STXBP5L: variants seen among roughly 807,000 people sequenced by gnomAD.
STXBP5L encodes syntaxin-binding protein 5-like.
Under a neutral mutation model 144.5 loss-of-function variants are expected in STXBP5L, and 65 were observed. The ratio of observed to expected loss-of-function variants is 0.45; its 90% confidence interval spans 0.37 to 0.55. The LOEUF is 0.55. Among genes scored for constraint, STXBP5L ranks in the 20% least tolerant of loss-of-function variants. STXBP5L has a pLI of 0.00. For missense variants in STXBP5L, 1,298 were observed against 1,405.5 expected (o/e 0.92, Z 1.22); for synonymous variants, 505 against 469.6 (o/e 1.08, Z -0.97).
intron 26 of STXBP5L, 62 bp from the exon 27 acceptor site, chr3:121,418,993 CT>C: frequency 6.5e-7 from 1 of 1,538,012 alleles, no homozygotes; most frequent in Non-Finnish European, 8.8e-7. Flanking sequence ...TCAAAATGGC[CT>C]TGCTTTGAAT....
rs1428964669 is a variant in STXBP5L, at chr3:121,424,688, G to C, written c.*5591G>C. On this transcript the variant is annotated 3_prime_UTR_variant, in exon 27 of 27. Coordinates refer to ENST00000471454, the MANE Select transcript of STXBP5L (RefSeq NM_001308330.2). ...AATTACTATTTTTCTGTTGCACTCAGCAATTGTGACTATACTTAACAAAAT... is the reference window on the plus strand; with the variant it reads ...AATTACTATTTTTCTGTTGCACTCACCAATTGTGACTATACTTAACAAAAT... The C allele has an allele frequency of 6.6e-6, 1 of 152,106 alleles. No homozygotes were observed. The highest frequency in any genetic ancestry group is 1.5e-5 in the Non-Finnish European group (1 of 68,022). The allele number at this position is 152,106 out of a possible 1,614,324, so 9.4% of individuals were successfully genotyped here.
At chr3:120,980,305 C>T (rs926004299) in intron 3 of STXBP5L, among the ~76,000 whole-genome samples, 1 of 152,108 alleles carries the variant, frequency 6.6e-6, no homozygotes, top group African/African-American at 2.4e-5. Flanking sequence ...CTGTTTAATG[C>T]TGTCAGTGGG....
chr3:121,132,771 T>C (rs2045053708), intron 7 of STXBP5L, among the ~76,000 whole-genome samples: 1 of 151,876 alleles, frequency 6.6e-6, no homozygotes, highest in South Asian at 2.1e-4. Flanking sequence ...AACTAGAATT[T>C]TCAGGAAAGA....
At chr3:121,011,122 T>A (rs1944742789) in intron 3 of STXBP5L, among the ~76,000 whole-genome samples, 2 of 150,390 alleles carry the variant, frequency 1.3e-5, no homozygotes, top group Non-Finnish European at 1.5e-5. Context: ...TTCGCCGAGG[T>A]AGTTACAGCA....
chr3:120,989,432 C>T (rs1329271994), intron 3 of STXBP5L, among the ~76,000 whole-genome samples: 1 of 152,068 alleles, frequency 6.6e-6, no homozygotes, highest in Non-Finnish European at 1.5e-5. Context: ...TATATGTCTT[C>T]CTTTGCAAAA....
intron 3 of STXBP5L, among the ~76,000 whole-genome samples, chr3:120,996,948 C>G (rs114404041): frequency 6.6e-6 from 1 of 152,118 alleles, no homozygotes; most frequent in Non-Finnish European, 1.5e-5. Context: ...TCCTTATCCT[C>G]CTTTCACTGA....
At chr3:120,918,652 T>A (rs1396337442) in intron 2 of STXBP5L, among the ~76,000 whole-genome samples, 1 of 152,214 alleles carries the variant, frequency 6.6e-6, no homozygotes, top group African/African-American at 2.4e-5. Context: ...AAATTAACAT[T>A]TCTTTATATA....
chr3:120,945,334 G>A (rs373623612), intron 2 of STXBP5L, among the ~76,000 whole-genome samples: 1 of 151,588 alleles, frequency 6.6e-6, no homozygotes, highest in Non-Finnish European at 1.5e-5. Flanking sequence ...TAAAATAAAT[G>A]TATTTCATAA....
intron 20 of STXBP5L, 26 bp from the exon 21 acceptor site, chr3:121,378,690 A>G (rs893148750): frequency 1.2e-6 from 2 of 1,608,914 alleles, no homozygotes; most frequent in East Asian, 4.5e-5. Flanking sequence ...CATTATATGT[A>G]TGCTGCCTTC....
intron 3 of STXBP5L, among the ~76,000 whole-genome samples, chr3:120,978,444 G>T (rs1244327934): frequency 6.6e-6 from 1 of 152,080 alleles, no homozygotes; most frequent in Admixed American, 6.6e-5. Flanking sequence ...TTATACATTT[G>T]TCTAAATTTT....
intron 5 of STXBP5L, among the ~76,000 whole-genome samples, chr3:121,068,939 G>A (rs962357279): frequency 6.6e-6 from 1 of 152,026 alleles, no homozygotes; most frequent in Non-Finnish European, 1.5e-5. Context: ...GTAGGAAGTT[G>A]CAAAACTAGT....
chr3:121,078,568 AC>A (rs1187463133), intron 5 of STXBP5L, among the ~76,000 whole-genome samples: 1 of 152,212 alleles, frequency 6.6e-6, no homozygotes, highest in Non-Finnish European at 1.5e-5. Context: ...GGGACTGGGC[AC>A]CATGGAGCAG....
intron 3 of STXBP5L, among the ~76,000 whole-genome samples, chr3:121,037,892 T>C (rs954592662): frequency 6.6e-6 from 1 of 152,086 alleles, no homozygotes; most frequent in Non-Finnish European, 1.5e-5. Context: ...AATTTATGTC[T>C]TTCTGGGAAT....
At chr3:120,943,249 T>C (rs1025418039) in intron 2 of STXBP5L, among the ~76,000 whole-genome samples, 1 of 151,744 alleles carries the variant, frequency 6.6e-6, no homozygotes, top group African/African-American at 2.4e-5. Flanking sequence ...CTAAAGATTA[T>C]ATTCACAAGA....
chr3:121,192,291 A>G (rs978321981), intron 9 of STXBP5L, among the ~76,000 whole-genome samples: 1 of 152,176 alleles, frequency 6.6e-6, no homozygotes, highest in Admixed American at 6.5e-5. Flanking sequence ...TTCAAGGAGA[A>G]CTACAAACCA....
intron 9 of STXBP5L, among the ~76,000 whole-genome samples, chr3:121,202,039 A>G (rs968520077): frequency 6.6e-6 from 1 of 152,198 alleles, no homozygotes; most frequent in African/African-American, 2.4e-5. Flanking sequence ...TACAGGAATC[A>G]GCCATTGTGC....
chr3:121,384,294 G>T (rs981810981), intron 22 of STXBP5L, among the ~76,000 whole-genome samples: 2 of 152,142 alleles, frequency 1.3e-5, no homozygotes, highest in Admixed American at 1.3e-4. Context: ...ATTTGGGGAA[G>T]AGCTCCCTAA....
At chr3:121,328,921 G>T (rs2044236933) in intron 20 of STXBP5L, among the ~76,000 whole-genome samples, 1 of 151,166 alleles carries the variant, frequency 6.6e-6, no homozygotes, top group Non-Finnish European at 1.5e-5. Context: ...TTCCTCATTA[G>T]AAAATGGAAT....
At chr3:121,344,186 G>A (rs913647728) in intron 20 of STXBP5L, among the ~76,000 whole-genome samples, 1 of 152,038 alleles carries the variant, frequency 6.6e-6, no homozygotes, top group African/African-American at 2.4e-5. Flanking sequence ...TGGGAAAACT[G>A]GCTAGCCATA....
Sources: allele counts gnomAD v4.1 joint callset (sites outside exome capture counted in the v4.1 genomes callset), GRCh38; gene constraint gnomAD v4.1.1; transcripts MANE v1.5; gene names NCBI Gene and HGNC (gene_info 2026-07-23, HGNC 2026-07-21).